The following CLNK variants were observed in gnomAD, a reference collection of about 807,000 sequenced individuals.
CLNK encodes cytokine dependent hematopoietic cell linker.
CLNK carries 74 observed loss-of-function variants against 68.6 expected under a neutral mutation model. The ratio of observed to expected loss-of-function variants is 1.08; its 90% confidence interval spans 0.89 to 1.31. The LOEUF is 1.31. Ranked by LOEUF, CLNK falls within the 50% of genes most tolerant of loss-of-function variation. The pLI, the probability that CLNK is intolerant of heterozygous loss-of-function variation, is 0.00. For synonymous variants in CLNK, 198 were observed against 172.2 expected, an observed-to-expected ratio of 1.15 and a Z score of -1.17; for missense variants, 553 against 515.3, an observed-to-expected ratio of 1.07 and a Z score of -0.71.
Position 10,594,892 on chromosome 4 carries a change from C to T in CLNK, c.83+3086G>A, listed in dbSNP as rs776001195. 3.9e-5 allele frequency among the ~76,000 whole-genome samples: 6 copies of T among 152,118 alleles called. No individual in the cohort carries two copies. In the East Asian group the frequency reaches 7.7e-4, roughly 20 times the overall value. On this transcript the variant is annotated intron_variant, in intron 3 of 18. Transcript: ENST00000226951. ...GGCAGATCACCTGAGGTTGGGAGTT[C>T]GAGACCAGCCTGACCAACTTGGAGG...
At chr4:10,676,261 T>C (rs1172275954) in intron 1 of CLNK, among the ~76,000 whole-genome samples, 3 of 152,206 alleles carry the variant, frequency 2.0e-5, no homozygotes, top group African/African-American at 7.2e-5. Flanking sequence ...GGAAAATATA[T>C]GCTGATTGGA....
At chr4:10,689,584 A>G (rs1392602327), upstream of CLNK, among the ~76,000 whole-genome samples, 1 of 152,052 alleles carries the variant, frequency 6.6e-6, no homozygotes, top group Non-Finnish European at 1.5e-5. Context: ...AGCTGGTCTC[A>G]GGTGGTATCA....
intron 3 of CLNK, among the ~76,000 whole-genome samples, chr4:10,597,359 A>G (rs1178574881): frequency 1.3e-5 from 2 of 152,108 alleles, no homozygotes; most frequent in Non-Finnish European, 2.9e-5. Context: ...GGCAGTGTAG[A>G]GCTGGATTTG....
intron 18 of CLNK, among the ~76,000 whole-genome samples, chr4:10,500,876 C>A (rs1014975297): frequency 6.6e-6 from 1 of 152,104 alleles, no homozygotes; most frequent in Non-Finnish European, 1.5e-5. Context: ...TTTGGGGACA[C>A]GAGTCTATAG....
At chr4:10,560,825 A>G (rs1431436733) in intron 7 of CLNK, among the ~76,000 whole-genome samples, 4 of 152,224 alleles carry the variant, frequency 2.6e-5, no homozygotes, top group Admixed American at 6.5e-5. Context: ...TGAGATTGTC[A>G]TAAAAAAGAT....
chr4:10,666,264 T>A (rs946618388), intron 2 of CLNK, among the ~76,000 whole-genome samples: 3 of 152,202 alleles, frequency 2.0e-5, no homozygotes, highest in Non-Finnish European at 1.5e-5. Flanking sequence ...CAGGTGGTGG[T>A]AATTTGTTAG....
chr4:10,729,828 C>G, the CLNK span, among the ~76,000 whole-genome samples: 7 of 152,120 alleles, frequency 4.6e-5, no homozygotes, highest in African/African-American at 1.7e-4. Context: ...TACTTGACCA[C>G]GTTTCATTAA....
At chr4:10,673,506 A>C (rs1251201407) in intron 1 of CLNK, among the ~76,000 whole-genome samples, 1 of 152,202 alleles carries the variant, frequency 6.6e-6, no homozygotes, top group Non-Finnish European at 1.5e-5. Flanking sequence ...GGATGAGTTC[A>C]TGTCCTTTAC....
chr4:10,651,252 T>C (rs542937024), intron 2 of CLNK, among the ~76,000 whole-genome samples: 5 of 152,346 alleles, frequency 3.3e-5, no homozygotes, highest in Non-Finnish European at 5.9e-5. Flanking sequence ...TGCACACATA[T>C]GTTTATTGCA....
chr4:10,555,418 T>G (rs149667139), intron 8 of CLNK, among the ~76,000 whole-genome samples: 1 of 152,240 alleles, frequency 6.6e-6, no homozygotes, highest in Non-Finnish European at 1.5e-5. Context: ...GCTATTCCTA[T>G]CTGAAAATAA....
intron 2 of CLNK, among the ~76,000 whole-genome samples, chr4:10,666,295 C>A (rs1329334948): frequency 6.6e-6 from 1 of 152,220 alleles, no homozygotes; most frequent in African/African-American, 2.4e-5. Context: ...GACACTAATA[C>A]ACCTGCTGTG....
chr4:10,575,722 G>C (rs1380756675), intron 4 of CLNK, among the ~76,000 whole-genome samples: 1 of 152,254 alleles, frequency 6.6e-6, no homozygotes, highest in African/African-American at 2.4e-5. Flanking sequence ...TAGCTGGGCA[G>C]AGACCCCAAG....
intron 5 of CLNK, among the ~76,000 whole-genome samples, chr4:10,567,423 A>G (rs1302599962): frequency 6.6e-6 from 1 of 152,202 alleles, no homozygotes; most frequent in African/African-American, 2.4e-5. Flanking sequence ...TTTATATCAT[A>G]TGCAAAAATT....
In CLNK at chr4:10,655,637, A is replaced by ATTTT. The variant is rs869196104; in HGVS notation, c.11+12218_11+12221dup. Among the ~76,000 whole-genome samples the ATTTT allele has an allele frequency of 2.5e-4, 19 of 74,806 alleles. 1 individual carries two copies. The highest frequency in any genetic ancestry group is 4.5e-4 in the African/African-American group (8 of 17,940). 49.1% of individuals were successfully genotyped at this position (74,806 alleles called of 152,430 possible). ...GATGAGTGGAGGAGGGATAGATAGC[A>ATTTT]TTTTTTTTTTTTTTTTTTTTTTTTT... On this transcript the variant is annotated intron_variant, in intron 2 of 18. Coordinates refer to ENST00000226951, the MANE Select transcript of CLNK (RefSeq NM_052964.4).
At chr4:10,564,425 C>T (rs896176269) in intron 7 of CLNK, among the ~76,000 whole-genome samples, 2 of 152,198 alleles carry the variant, frequency 1.3e-5, no homozygotes, top group South Asian at 2.1e-4. Flanking sequence ...AAGTCCTTAG[C>T]GTGATCTCTG....
chr4:10,717,294 G>C, the CLNK span, among the ~76,000 whole-genome samples: 1 of 152,154 alleles, frequency 6.6e-6, no homozygotes, highest in African/African-American at 2.4e-5. Flanking sequence ...AGTATCAGAG[G>C]GGGTGGAGTA....
chr4:10,535,261 A>AAGAAAGAAAGAG (rs774423735), intron 11 of CLNK, among the ~76,000 whole-genome samples: 2 of 150,100 alleles, frequency 1.3e-5, no homozygotes, highest in East Asian at 3.9e-4. Flanking sequence ...GAAAGAAAGA[A>AAGAAAGAAAGAG]AGAAAAAATG....
chr4:10,612,182 A>G (rs1722058144), intron 2 of CLNK, among the ~76,000 whole-genome samples: 1 of 152,242 alleles, frequency 6.6e-6, no homozygotes, highest in African/African-American at 2.4e-5. Context: ...AGCGAAAAAA[A>G]TGACATTTAT....
intron 2 of CLNK, among the ~76,000 whole-genome samples, chr4:10,621,414 C>T (rs1381584680): frequency 6.6e-6 from 1 of 152,156 alleles, no homozygotes; most frequent in Non-Finnish European, 1.5e-5. Context: ...GTCTATCATT[C>T]AATCAAAGAA....
Sources: allele counts gnomAD v4.1 joint callset (sites outside exome capture counted in the v4.1 genomes callset), GRCh38; gene constraint gnomAD v4.1.1; transcripts MANE v1.5; gene names NCBI Gene and HGNC (gene_info 2026-07-23, HGNC 2026-07-21).